VOPP1: variants seen among roughly 807,000 people sequenced by gnomAD.
The protein encoded by VOPP1 is VOPP1 WW domain binding protein, also known as WW domain binding protein VOPP1.
Under a neutral mutation model 23.5 loss-of-function variants are expected in VOPP1, and 8 were observed. That is an observed-to-expected ratio of 0.34 (90% confidence interval 0.20 to 0.61). The LOEUF is 0.61. VOPP1 is among the 20% of genes least tolerant of loss of function. The pLI is 0.78. For missense variants in VOPP1, 174 were observed against 238.1 expected (o/e 0.73, Z 1.77); for synonymous variants, 83 against 97.3 (o/e 0.85, Z 0.86).
chr7:55,530,570 T>C (rs916232341), intron 1 of VOPP1, among the ~76,000 whole-genome samples: 2 of 152,220 alleles, frequency 1.3e-5, no homozygotes, highest in East Asian at 1.9e-4. Flanking sequence ...ACTTCAGGTC[T>C]GTTGGTTTCC....
At chr7:55,450,580 T>C (rs1398090292) in intron 4 of VOPP1, among the ~76,000 whole-genome samples, 1 of 152,270 alleles carries the variant, frequency 6.6e-6, no homozygotes, top group Non-Finnish European at 1.5e-5. Context: ...TTTGATATAT[T>C]AGGCTGAATA....
intron 1 of VOPP1, among the ~76,000 whole-genome samples, chr7:55,534,666 C>A (rs17746863): frequency 0.092 from 14,070 of 152,270 alleles, 914 homozygotes; most frequent in East Asian, 0.29. Flanking sequence ...CACAAAAGAA[C>A]ACCAGCATAC....
chr7:55,490,193 T>C (rs548843123), intron 4 of VOPP1, among the ~76,000 whole-genome samples: 3 of 151,986 alleles, frequency 2.0e-5, no homozygotes, highest in Non-Finnish European at 4.4e-5. Flanking sequence ...GTTTTTTGTT[T>C]TTTAAGACCC....
At chr7:55,499,835 C>T (rs936207062) in intron 2 of VOPP1, among the ~76,000 whole-genome samples, 1 of 152,134 alleles carries the variant, frequency 6.6e-6, no homozygotes, top group African/African-American at 2.4e-5. Flanking sequence ...AGTGAGACAC[C>T]TGGTCTGGCT....
intron 1 of VOPP1, among the ~76,000 whole-genome samples, chr7:55,542,492 A>G (rs1385623697): frequency 6.6e-6 from 1 of 152,114 alleles, no homozygotes; most frequent in African/African-American, 2.4e-5. Context: ...GCTTCCACAT[A>G]TGATTAAGAA....
chr7:55,443,319 C>T (rs914162211), intron 4 of VOPP1, among the ~76,000 whole-genome samples: 1 of 152,086 alleles, frequency 6.6e-6, no homozygotes, highest in Admixed American at 6.5e-5. Context: ...CTTTGGGAGG[C>T]TGATGCGGGC....
intron 1 of VOPP1, among the ~76,000 whole-genome samples, chr7:55,564,276 GCTCT>G (rs1414258269): frequency 2.7e-5 from 1 of 37,176 alleles, no homozygotes; most frequent in Non-Finnish European, 9.1e-5. Flanking sequence ...TCGCTCGCTT[GCTCT>G]CTCTCACTCT....
intron 2 of VOPP1, among the ~76,000 whole-genome samples, chr7:55,507,026 T>C (rs1794770657): frequency 6.6e-6 from 1 of 152,200 alleles, no homozygotes; most frequent in South Asian, 2.1e-4. Flanking sequence ...ATATCCTGGC[T>C]TTGCCTTTAG....
intron 1 of VOPP1, among the ~76,000 whole-genome samples, chr7:55,531,835 C>T (rs182757193): frequency 5.3e-4 from 81 of 152,234 alleles, no homozygotes; most frequent in Non-Finnish European, 1.0e-3. Context: ...AATGAAATAA[C>T]TGAGATATGT....
At chr7:55,469,244 T>C (rs1791713134), downstream of VOPP1, among the ~76,000 whole-genome samples, 2 of 152,184 alleles carry the variant, frequency 1.3e-5, no homozygotes, top group African/African-American at 2.4e-5. Flanking sequence ...GGGCCTCTCC[T>C]GAGCCCTTTG....
intron 2 of VOPP1, among the ~76,000 whole-genome samples, chr7:55,516,542 C>T (rs1457625204): frequency 6.6e-6 from 1 of 152,116 alleles, no homozygotes. Context: ...CTAACTGGCA[C>T]GCTGAAATGA....
At chr7:55,552,167 TG>T (rs1366265140) in intron 1 of VOPP1, among the ~76,000 whole-genome samples, 1 of 152,190 alleles carries the variant, frequency 6.6e-6, no homozygotes, top group Non-Finnish European at 1.5e-5. Flanking sequence ...TCTGTGCCTC[TG>T]CTAGTTATTA....
intron 1 of VOPP1, chr7:55,561,908 T>C (rs969771138): frequency 8.5e-6 from 6 of 701,898 alleles, no homozygotes; most frequent in African/African-American, 3.5e-5. Flanking sequence ...TCTTCAAGTA[T>C]GGTGGGAGTT....
intron 4 of VOPP1, among the ~76,000 whole-genome samples, chr7:55,440,967 C>T (rs568322136): frequency 4.0e-4 from 61 of 152,314 alleles, no homozygotes; most frequent in African/African-American, 1.4e-3. Context: ...GGAACACACC[C>T]GGATGACTCT....
chr7:55,505,651 A>AAGGGAGGGAGGGAGGG (rs56047831), intron 2 of VOPP1, among the ~76,000 whole-genome samples: 20 of 78,644 alleles, frequency 2.5e-4, no homozygotes, highest in African/African-American at 8.9e-4. Flanking sequence ...GGAAGGAAGG[A>AAGGGAGGGAGGGAGGG]AGGGAGGGAG....
intron 4 of VOPP1, among the ~76,000 whole-genome samples, chr7:55,453,903 A>G (rs113573693): frequency 0.012 from 1,828 of 152,338 alleles, 13 homozygotes; most frequent in Admixed American, 0.021. Context: ...AAAATATAGT[A>G]GTTTTTGAGA....
chr7:55,564,291 CCTCTT>C (rs946491036), intron 1 of VOPP1, among the ~76,000 whole-genome samples: 4 of 145,128 alleles, frequency 2.8e-5, no homozygotes, highest in African/African-American at 9.9e-5. Context: ...CTCTCACTCT[CCTCTT>C]CTCCCCACTC....
chr7:55,445,240 CACAG>C lies in VOPP1; in HGVS notation n.418-9070_418-9067del, dbSNP rs776566284. ...AGACACACACACACAGACACACACA[CACAG>C]ACACACACACACACACACAGACATA... On this transcript the variant is annotated intron_variant and non_coding_transcript_variant, in intron 4 of 4. Coordinates refer to the VOPP1 transcript ENST00000462326. Among the ~76,000 whole-genome samples, 812 of 127,604 alleles carry C rather than the reference CACAG, an allele frequency of 6.4e-3. 7 individuals are homozygous for C. Among genetic ancestry groups the C allele is most frequent in the Middle Eastern group, 0.011 (3 of 270 alleles). 83.7% of individuals were successfully genotyped at this position (127,604 alleles called of 152,430 possible).
At chr7:55,485,559 G>A (rs555096291) in intron 4 of VOPP1, among the ~76,000 whole-genome samples, 1 of 152,332 alleles carries the variant, frequency 6.6e-6, no homozygotes, top group South Asian at 2.1e-4. Context: ...GTTTTTCTAT[G>A]AGAGGAGGTC....
Sources: allele counts gnomAD v4.1 joint callset (sites outside exome capture counted in the v4.1 genomes callset), GRCh38; gene constraint gnomAD v4.1.1; transcripts MANE v1.5; gene names NCBI Gene and HGNC (gene_info 2026-07-23, HGNC 2026-07-21).